The following UPRT variants were observed in gnomAD, a reference collection of about 807,000 sequenced individuals.
UPRT encodes the protein RP11-311P8.3.
Under a neutral mutation model 22.6 loss-of-function variants are expected in UPRT, and 5 were observed. The ratio of observed to expected loss-of-function variants is 0.22; its 90% CI spans 0.12 to 0.47. UPRT has a LOEUF of 0.47. Ranked by LOEUF, UPRT falls within the 20% of genes least tolerant of loss-of-function variation. UPRT has a pLI of 0.99. For synonymous variants in UPRT, 77 were observed against 87.7 expected (o/e 0.88, Z 0.68); for missense variants, 181 against 239.9 (o/e 0.75, Z 1.62).
At chrX:75,287,347 C>T (rs766046646) in intron 1 of UPRT, among the ~76,000 whole-genome samples, 4 of 111,344 alleles carry the variant, frequency 3.6e-5, no homozygotes, top group Non-Finnish European at 7.6e-5. Context: ...ATGGGAGAAG[C>T]TCCCCATGTT....
At position 75,293,058 on chromosome X, in the gene UPRT, G is replaced by C. The variant is rs1405067554; in HGVS notation, c.387-414G>C. On this transcript the variant is annotated intron_variant, in intron 1 of 6. Coordinates refer to ENST00000373383, the MANE Select transcript of UPRT (RefSeq NM_145052.4). The stretch of plus-strand genomic sequence containing the variant: ...ACAAAGTAGATGGGTTACTTATCTT[G>C]GTAATATGGGTTTTAGATCAAGGTG... Among the ~76,000 whole-genome samples, 9 of 111,556 alleles carry C rather than the reference G, an allele frequency of 8.1e-5. No homozygotes were observed. The Admixed American group carries it at 8.6e-4, about 11-fold the overall frequency.
chrX:75,237,875 C>G (rs1382096816), intron 4 of UPRT, among the ~76,000 whole-genome samples: 1 of 103,289 alleles, frequency 9.7e-6, no homozygotes, highest in African/African-American at 3.5e-5. Flanking sequence ...GTGCAGCGCA[C>G]TAGCATGGCA....
At chrX:75,251,704 A>G (rs1479948224) in intron 4 of UPRT, among the ~76,000 whole-genome samples, 2 of 111,664 alleles carry the variant, frequency 1.8e-5, no homozygotes, top group African/African-American at 3.3e-5. Context: ...CAGAATTGGA[A>G]AATCTACTTT....
chrX:75,243,882 TTAGAG>T (rs768831038), intron 4 of UPRT, among the ~76,000 whole-genome samples: 2 of 111,893 alleles, frequency 1.8e-5, no homozygotes, highest in South Asian at 7.4e-4. Context: ...ATGTTTTTCC[TTAGAG>T]TACTCATTGG....
intron 4 of UPRT, among the ~76,000 whole-genome samples, chrX:75,214,909 T>C (rs1426097661): frequency 1.8e-5 from 2 of 109,730 alleles, no homozygotes; most frequent in Non-Finnish European, 3.8e-5. Context: ...TAAGGCTTTG[T>C]CTCAAAAAAA....
intron 4 of UPRT, among the ~76,000 whole-genome samples, chrX:75,265,934 A>G (rs938037631): frequency 9.9e-5 from 11 of 111,502 alleles, no homozygotes; most frequent in Non-Finnish European, 1.9e-4. Context: ...TCAATGAAAT[A>G]AAAGAAGATA....
intron 4 of UPRT, among the ~76,000 whole-genome samples, chrX:75,236,649 T>C (rs1214676526): frequency 9.0e-6 from 1 of 111,731 alleles, no homozygotes; most frequent in African/African-American, 3.3e-5. Context: ...ATGCTGCATA[T>C]CTACAACTAT....
intron 1 of UPRT, among the ~76,000 whole-genome samples, chrX:75,277,750 T>G (rs1219327370): frequency 8.9e-6 from 1 of 111,986 alleles, no homozygotes; most frequent in Non-Finnish European, 1.9e-5. Flanking sequence ...AAATGAATAC[T>G]GGGATATTGT....
At chrX:75,175,770 C>T (rs1364442646) in intron 4 of UPRT, among the ~76,000 whole-genome samples, 1 of 111,704 alleles carries the variant, frequency 9.0e-6, no homozygotes, top group African/African-American at 3.3e-5. Context: ...ATAACAAGCC[C>T]TACCAGGTGG....
At chrX:75,212,669 C>T (rs1350685930) in intron 4 of UPRT, among the ~76,000 whole-genome samples, 2 of 111,689 alleles carry the variant, frequency 1.8e-5, no homozygotes, top group African/African-American at 6.5e-5. Flanking sequence ...AGCCATTATC[C>T]TCAGCAAACT....
chrX:75,237,552 T>C (rs1477534374), intron 4 of UPRT, among the ~76,000 whole-genome samples: 1 of 110,324 alleles, frequency 9.1e-6, no homozygotes, highest in African/African-American at 3.3e-5. Flanking sequence ...CCAACCCAAA[T>C]GTCCAACAAT....
intron 4 of UPRT, among the ~76,000 whole-genome samples, chrX:75,257,051 G>A (rs1050029355): frequency 9.0e-6 from 1 of 111,460 alleles, no homozygotes; most frequent in Non-Finnish European, 1.9e-5. Flanking sequence ...CCCAAGCCAG[G>A]AAAAAACATA....
chrX:75,288,243 A>G (rs1724340663), intron 1 of UPRT, among the ~76,000 whole-genome samples: 1 of 111,703 alleles, frequency 9.0e-6, no homozygotes, highest in Admixed American at 9.5e-5. Context: ...ATTCTACCAG[A>G]CATACAAGAA....
At chrX:75,221,612 T>C (rs1569268332) in intron 4 of UPRT, among the ~76,000 whole-genome samples, 2 of 112,002 alleles carry the variant, frequency 1.8e-5, no homozygotes, top group Non-Finnish European at 3.8e-5. Context: ...GATGCATTCT[T>C]CAGTATACAT....
chrX:75,247,331 C>A (rs1056276723), intron 4 of UPRT, among the ~76,000 whole-genome samples: 3 of 110,091 alleles, frequency 2.7e-5, no homozygotes, highest in African/African-American at 6.6e-5. Flanking sequence ...CTTTCCTAGT[C>A]AAAAAAAAGG....
chrX:75,195,340 CA>C (rs950220876), intron 4 of UPRT, among the ~76,000 whole-genome samples: 8 of 112,499 alleles, frequency 7.1e-5, no homozygotes, highest in African/African-American at 2.6e-4. Context: ...GCCAGCAGAG[CA>C]AGGGGTGCTC....
chrX:75,193,855 C>T (rs903612100), intron 4 of UPRT, among the ~76,000 whole-genome samples: 1 of 111,488 alleles, frequency 9.0e-6, no homozygotes, highest in Non-Finnish European at 1.9e-5. Flanking sequence ...GCTTCTGTAT[C>T]ATTTTATTAT....
At chrX:75,177,065 GT>G (rs1374031225) in intron 4 of UPRT, among the ~76,000 whole-genome samples, 1 of 111,178 alleles carries the variant, frequency 9.0e-6, no homozygotes, top group Non-Finnish European at 1.9e-5. Context: ...ACCGCCCATG[GT>G]TTTGGTTTAT....
chrX:75,254,436 G>C (rs909186120), intron 4 of UPRT, among the ~76,000 whole-genome samples: 1 of 112,224 alleles, frequency 8.9e-6, no homozygotes, highest in Non-Finnish European at 1.9e-5. Flanking sequence ...AAGAAAGTCA[G>C]AGCTCGAAGA....
Sources: gnomAD v4.1 joint callset for allele counts (sites outside exome capture counted in the v4.1 genomes callset) on GRCh38, gnomAD v4.1.1 for gene constraint, MANE v1.5 for transcripts, NCBI Gene and HGNC (gene_info 2026-07-23, HGNC 2026-07-21) for gene names.